Variants in CCSER1 observed in about 807,000 individuals in gnomAD.
The protein encoded by CCSER1 is coiled-coil serine rich protein 1.
CCSER1 carries 41 observed loss-of-function variants against 82.0 expected under a neutral mutation model. The ratio of observed to expected loss-of-function variants is 0.50; its 90% CI spans 0.39 to 0.65. The LOEUF (loss-of-function observed/expected upper bound fraction) is 0.65. Among genes scored for constraint, CCSER1 ranks in the 30% least tolerant of loss-of-function variants. The pLI is 0.00. For synonymous variants in CCSER1, 414 were observed against 383.9 expected, an observed-to-expected ratio of 1.08 and a Z score of -0.92; for missense variants, 1,119 against 1,064.2, an observed-to-expected ratio of 1.05 and a Z score of -0.72.
In CCSER1 at chr4:90,193,752, G is replaced by A. The variant is rs1164689228; in HGVS notation, c.-42+65921G>A. Among the ~76,000 whole-genome samples, 10 of 151,880 alleles carry A rather than the reference G, an allele frequency of 6.6e-5. No individual in the cohort carries two copies. In the East Asian group the frequency reaches 1.2e-3, roughly 18 times the overall value. On this transcript the variant is annotated intron_variant, in intron 1 of 10. Coordinates refer to ENST00000509176, the MANE Select transcript of CCSER1 (RefSeq NM_001145065.2). The stretch of plus-strand genomic sequence containing the variant: ...GAAGACAACTGTGTATTCTTAACAT[G>A]TACCTCATTTGATAAAAAAGAAAAA...
At chr4:91,206,347 G>A (rs17018213) in intron 10 of CCSER1, among the ~76,000 whole-genome samples, 6,769 of 151,938 alleles carry the variant, frequency 0.045, 283 homozygotes, top group East Asian at 0.13. Flanking sequence ...CTTGGTCTTT[G>A]TGTTTCTGAA....
chr4:90,424,530 A>T (rs916709294), intron 4 of CCSER1, among the ~76,000 whole-genome samples: 1 of 152,206 alleles, frequency 6.6e-6, no homozygotes, highest in Non-Finnish European at 1.5e-5. Flanking sequence ...ATGCATTTAT[A>T]TATGTAGATT....
At chr4:91,016,988 A>G (rs968686349) in intron 9 of CCSER1, among the ~76,000 whole-genome samples, 34 of 152,154 alleles carry the variant, frequency 2.2e-4, no homozygotes, top group African/African-American at 7.0e-4. Context: ...AATAAAGTTC[A>G]TAGAAGAGAA....
intron 1 of CCSER1, among the ~76,000 whole-genome samples, chr4:90,254,100 T>C (rs763712941): frequency 7.9e-5 from 12 of 152,350 alleles, no homozygotes; most frequent in Admixed American, 1.3e-4. Context: ...CTTACTGTTA[T>C]ATTTCTTGCT....
At chr4:90,702,581 G>A (rs543602084) in intron 6 of CCSER1, among the ~76,000 whole-genome samples, 235 of 152,246 alleles carry the variant, frequency 1.5e-3, no homozygotes, top group Non-Finnish European at 2.4e-3. Flanking sequence ...GCTAGAATTC[G>A]GCTGTGAATC....
intron 1 of CCSER1, among the ~76,000 whole-genome samples, chr4:90,172,190 G>C (rs572391742): frequency 6.6e-6 from 1 of 151,996 alleles, no homozygotes; most frequent in East Asian, 1.9e-4. Flanking sequence ...TCCATTGTGA[G>C]TATTGTCTAT....
intron 3 of CCSER1, among the ~76,000 whole-genome samples, chr4:90,330,244 T>C (rs934811676): frequency 2.0e-5 from 3 of 152,152 alleles, no homozygotes; most frequent in Non-Finnish European, 4.4e-5. Context: ...ATTTAAACTA[T>C]CAGGGATTAG....
At chr4:91,508,323 G>A (rs923847300) in intron 10 of CCSER1, among the ~76,000 whole-genome samples, 11 of 14,222 alleles carry the variant, frequency 7.7e-4, no homozygotes, top group African/African-American at 2.1e-3. Context: ...ACATGGTGGC[G>A]CATTTATCCA....
intron 10 of CCSER1, among the ~76,000 whole-genome samples, chr4:91,101,592 G>T (rs1725059009): frequency 6.7e-6 from 1 of 149,652 alleles, no homozygotes; most frequent in Non-Finnish European, 1.5e-5. Flanking sequence ...CTGAGATCGT[G>T]CCACTGCACT....
chr4:91,177,247 T>C (rs1288983827), intron 10 of CCSER1, among the ~76,000 whole-genome samples: 2 of 152,180 alleles, frequency 1.3e-5, no homozygotes, highest in Non-Finnish European at 2.9e-5. Flanking sequence ...AATTTTGCAT[T>C]GATGTTCATC....
At chr4:91,293,752 A>T (rs1405678350) in intron 10 of CCSER1, among the ~76,000 whole-genome samples, 1 of 151,916 alleles carries the variant, frequency 6.6e-6, no homozygotes, top group African/African-American at 2.4e-5. Flanking sequence ...AAACCAGAGA[A>T]TGAGTTTCTT....
intron 10 of CCSER1, among the ~76,000 whole-genome samples, chr4:91,553,929 CT>C (rs1190233192): frequency 1.3e-5 from 2 of 149,844 alleles, no homozygotes; most frequent in Non-Finnish European, 3.0e-5. Context: ...ATTTTTTCTT[CT>C]AATTTTCAGC....
At chr4:90,665,542 C>A (rs113646860) in intron 6 of CCSER1, among the ~76,000 whole-genome samples, 1 of 151,990 alleles carries the variant, frequency 6.6e-6, no homozygotes, top group East Asian at 1.9e-4. Context: ...AGGATGGTCT[C>A]GATCTCCTGA....
intron 10 of CCSER1, among the ~76,000 whole-genome samples, chr4:91,365,634 T>C (rs1749559163): frequency 6.6e-6 from 1 of 152,198 alleles, no homozygotes; most frequent in Non-Finnish European, 1.5e-5. Context: ...TTTGATAAAA[T>C]ATTTTTTAAA....
chr4:91,150,642 T>G (rs1730080648), intron 10 of CCSER1, among the ~76,000 whole-genome samples: 1 of 152,162 alleles, frequency 6.6e-6, no homozygotes, highest in Non-Finnish European at 1.5e-5. Flanking sequence ...CTCTTATTAT[T>G]TTGAGATATG....
intron 10 of CCSER1, among the ~76,000 whole-genome samples, chr4:91,173,593 C>CAA (rs55747744): frequency 1.1e-4 from 11 of 104,686 alleles, no homozygotes; most frequent in South Asian, 6.7e-4. Flanking sequence ...GACTCCGTCT[C>CAA]AAAAAAAAAA....
intron 1 of CCSER1, among the ~76,000 whole-genome samples, chr4:90,147,625 G>A (rs1029797459): frequency 2.6e-5 from 4 of 152,022 alleles, no homozygotes; most frequent in Admixed American, 2.0e-4. Flanking sequence ...AAAAGCAAGA[G>A]GCTTATAATC....
intron 10 of CCSER1, among the ~76,000 whole-genome samples, chr4:91,179,618 T>G (rs1260434953): frequency 6.6e-6 from 1 of 152,254 alleles, no homozygotes; most frequent in African/African-American, 2.4e-5. Flanking sequence ...TGTGCATGCA[T>G]CAGGTAATTC....
At chr4:90,726,078 G>A (rs1418295657) in intron 7 of CCSER1, among the ~76,000 whole-genome samples, 1 of 151,828 alleles carries the variant, frequency 6.6e-6, no homozygotes, top group African/African-American at 2.4e-5. Flanking sequence ...TAATATTGGT[G>A]GGTGATTGAG....
Sources: allele counts gnomAD v4.1 joint callset (sites outside exome capture counted in the v4.1 genomes callset), GRCh38; gene constraint gnomAD v4.1.1; transcripts MANE v1.5; gene names NCBI Gene and HGNC (gene_info 2026-07-23, HGNC 2026-07-21).